SNX13: variants seen among roughly 807,000 people sequenced by gnomAD.
SNX13 encodes the protein sorting nexin 13.
Under a neutral mutation model 133.6 loss-of-function variants are expected in SNX13, and 45 were observed. The ratio of observed to expected loss-of-function variants is 0.34; its 90% CI spans 0.27 to 0.43. The LOEUF is 0.43. Ranked by LOEUF, SNX13 falls within the 20% of genes least tolerant of loss-of-function variation. The probability of loss-of-function intolerance (pLI) is 1.00; values close to 1 mark genes in which losing one functional copy is unlikely to be tolerated. For missense variants in SNX13, 1,032 were observed against 1,145.1 expected (o/e 0.90, Z 1.43); for synonymous variants, 414 against 373.9 (o/e 1.11, Z -1.24).
chr7:17,846,156 G>A (rs181374722), intron 11 of SNX13, among the ~76,000 whole-genome samples: 1 of 151,232 alleles, frequency 6.6e-6, no homozygotes, highest in East Asian at 2.0e-4. Flanking sequence ...CTAATTATTA[G>A]ATAAAATGTG....
At chr7:17,919,889 GGGA>G (rs1157249303) in intron 1 of SNX13, among the ~76,000 whole-genome samples, 6 of 152,110 alleles carry the variant, frequency 3.9e-5, no homozygotes, top group African/African-American at 1.4e-4. Context: ...CCAGGACTTT[GGGA>G]GGCCAAGGCA....
chr7:17,901,181 G>T (rs1203293598), intron 1 of SNX13, among the ~76,000 whole-genome samples: 1 of 152,042 alleles, frequency 6.6e-6, no homozygotes, highest in Non-Finnish European at 1.5e-5. Flanking sequence ...TGGCTAAGCT[G>T]GTATCCAAGT....
At chr7:17,921,002 AAC>A (rs1562526819) in intron 1 of SNX13, among the ~76,000 whole-genome samples, 2 of 152,152 alleles carry the variant, frequency 1.3e-5, no homozygotes, top group African/African-American at 2.4e-5. Context: ...AATCTGACCA[AAC>A]CTTAAGACTT....
chr7:17,810,333 A>G (rs1348257885), intron 20 of SNX13, among the ~76,000 whole-genome samples: 1 of 152,214 alleles, frequency 6.6e-6, no homozygotes, highest in African/African-American at 2.4e-5. Context: ...AGAGAACACT[A>G]TAAACAACTC....
chr7:17,940,477 C>T lies in SNX13; in HGVS notation c.-182G>A, dbSNP rs897922409. On this transcript the variant is annotated 5_prime_UTR_variant, in exon 1 of 26. Transcript: ENST00000428135. ...GGCCCGGTCGCTCGCGACGGACGCGCCGCCATCTTGGAAGAGCGACGTCCG... is the reference window on the plus strand; with the variant it reads ...GGCCCGGTCGCTCGCGACGGACGCGTCGCCATCTTGGAAGAGCGACGTCCG... The T allele has an allele frequency of 4.1e-6, 3 of 735,802 alleles. No individual in the cohort carries two copies. The highest frequency in any genetic ancestry group is 4.8e-6 in the Non-Finnish European group (2 of 415,818). The allele number at this position is 735,802 out of a possible 1,614,324, so 45.6% of individuals were successfully genotyped here.
intron 1 of SNX13, among the ~76,000 whole-genome samples, chr7:17,901,936 G>A (rs914417408): frequency 6.6e-6 from 1 of 152,104 alleles, no homozygotes; most frequent in Non-Finnish European, 1.5e-5. Context: ...GGACTAAACT[G>A]TATAAATGTT....
At chr7:17,906,759 T>TCATA (rs1798442070) in intron 1 of SNX13, among the ~76,000 whole-genome samples, 1 of 152,174 alleles carries the variant, frequency 6.6e-6, no homozygotes, top group Non-Finnish European at 1.5e-5. Context: ...ACTCAAGGAA[T>TCATA]CATAACTCTT....
At position 17,793,343 on chromosome 7, in the gene SNX13, A is replaced by T. The variant is rs1182078922; in HGVS notation, c.*702T>A. On this transcript the variant is annotated 3_prime_UTR_variant, in exon 26 of 26. Coordinates refer to ENST00000428135, the MANE Select transcript of SNX13 (RefSeq NM_015132.5). ...AAGGAAACATAAAATTGAGTACCCTAAGAGCAAAACACAGCCCTTAAAGCA... is the reference window on the plus strand; with the variant it reads ...AAGGAAACATAAAATTGAGTACCCTTAGAGCAAAACACAGCCCTTAAAGCA... 6.6e-6 allele frequency: 1 copy of T among 152,208 alleles called. No individual in the cohort carries two copies. The allele number at this position is 152,208 out of a possible 1,614,324, so 9.4% of individuals were successfully genotyped here. A position where few individuals can be genotyped will look rare whatever the true frequency, so the allele number is the denominator to read the frequency against.
chr7:17,873,689 A>G, intron 7 of SNX13, 73 bp from the exon 8 acceptor site: 1 of 899,626 alleles, frequency 1.1e-6, no homozygotes, highest in Non-Finnish European at 1.6e-6. Context: ...TATATAAGAT[A>G]CATTTAAAAA....
At chr7:17,914,993 C>T (rs535034644) in intron 1 of SNX13, among the ~76,000 whole-genome samples, 1 of 152,304 alleles carries the variant, frequency 6.6e-6, no homozygotes, top group Admixed American at 6.5e-5. Context: ...CATGTAATGA[C>T]ACCCATAGGC....
At chr7:17,879,909 A>T (rs560677642) in intron 5 of SNX13, 1 of 152,212 alleles carries the variant, frequency 6.6e-6, no homozygotes, top group Non-Finnish European at 1.5e-5. Context: ...CACTCATTAC[A>T]TCTTTGAGTC....
intron 5 of SNX13, 82 bp downstream of exon 5, chr7:17,890,281 C>G: frequency 7.7e-7 from 1 of 1,306,790 alleles, no homozygotes; most frequent in Non-Finnish European, 1.0e-6. Context: ...ATAAACAATT[C>G]CTCCCCTTAA....
chr7:17,873,348 T>C (rs1794335504), intron 8 of SNX13, among the ~76,000 whole-genome samples, 180 bp downstream of exon 8: 1 of 152,272 alleles, frequency 6.6e-6, no homozygotes, highest in African/African-American at 2.4e-5. Context: ...CATATTTTCA[T>C]GTTTTAAAAA....
intron 1 of SNX13, among the ~76,000 whole-genome samples, chr7:17,929,502 C>A (rs1253518984): frequency 6.6e-6 from 1 of 152,022 alleles, no homozygotes; most frequent in Non-Finnish European, 1.5e-5. Flanking sequence ...ACTATTAACA[C>A]CACTCAAGTC....
Position 17,873,572 on chromosome 7 carries a change from G to A in SNX13, c.709C>T (p.Pro237Ser), listed in dbSNP as rs201830759. 3.5e-3 allele frequency: 5,599 copies of A among 1,586,182 alleles called. 29 individuals are homozygous for A. Among genetic ancestry groups the A allele is most frequent in the Middle Eastern group, 7.0e-3 (42 of 6,010 alleles). ...LCEVLLYLLL[P>S]PGDFQNKIMR... ...ATCTTGTTCTGGAAATCTCCAGGAG[G>A]TAGCAATAAATATAGTAAGACCTCA... is the stretch of plus-strand genomic sequence containing the variant. The change falls in exon 8 of 26, where the codon CCT becomes TCT. Residue 237 changes from proline to serine, a missense_variant. Physicochemically the swap from Pro to Ser is moderately conservative, Grantham distance 74. Transcript: ENST00000428135.
intron 18 of SNX13, among the ~76,000 whole-genome samples, chr7:17,816,520 G>T (rs1202826306): frequency 6.6e-6 from 1 of 152,162 alleles, no homozygotes; most frequent in African/African-American, 2.4e-5. Flanking sequence ...AATTAGCTGG[G>T]CATGGTGGCA....
At position 17,929,236 on chromosome 7, in the gene SNX13, A is replaced by C. The variant is rs1583826872; in HGVS notation, c.12+11048T>G. On this transcript the variant is annotated intron_variant, in intron 1 of 25. Transcript: ENST00000428135. ...ATAGAGTGTAACTATATAAAGGAAT[A>C]GAGAGAGATATAGATTCACCCATAA... 2.0e-5 allele frequency among the ~76,000 whole-genome samples: 3 copies of C among 152,236 alleles called. No homozygotes were observed. In the South Asian group the frequency reaches 6.2e-4, roughly 32 times the overall value.
intron 1 of SNX13, among the ~76,000 whole-genome samples, chr7:17,931,219 T>C (rs1269846806): frequency 3.9e-5 from 6 of 152,222 alleles, no homozygotes; most frequent in Admixed American, 3.3e-4. Context: ...ACCAGTTGTG[T>C]TTCTCAGCTG....
At chr7:17,821,420 T>G in intron 18 of SNX13, 89 bp downstream of exon 18, 2 of 1,256,538 alleles carry the variant, frequency 1.6e-6, no homozygotes, top group Middle Eastern at 2.8e-4. Context: ...TTTTTTTAAT[T>G]AATCACTCTA....
Sources: gnomAD v4.1 joint callset for allele counts (sites outside exome capture counted in the v4.1 genomes callset) on GRCh38, gnomAD v4.1.1 for gene constraint, MANE v1.5 for transcripts, NCBI Gene and HGNC (gene_info 2026-07-23, HGNC 2026-07-21) for gene names.